The following NUCB1 variants were observed in gnomAD, a reference collection of about 807,000 sequenced individuals.
NUCB1 encodes the protein nucleobindin-1.
In NUCB1, 47 loss-of-function variants were observed where a neutral mutation model predicts 61.2. The ratio of observed to expected loss-of-function variants is 0.77; its 90% CI spans 0.61 to 0.98. The LOEUF (loss-of-function observed/expected upper bound fraction) is 0.98, where lower values mean the gene tolerates loss of function less well. NUCB1 is among the 50% of genes least tolerant of loss of function. The pLI, the probability that NUCB1 is intolerant of heterozygous loss-of-function variation, is 0.00. For synonymous variants in NUCB1, 234 were observed against 243.1 expected (o/e 0.96, Z 0.35); for missense variants, 583 against 605.3 (o/e 0.96, Z 0.39).
chr19:48,900,830 C>T lies in NUCB1; in HGVS notation c.34C>T (p.Leu12=). ...PPSGPRGTLL[L]LPLLLLLLLR... is the part of the protein sequence containing the mutation. ...CTCTGGGCCCCGAGGAACCCTCCTT[C>T]TGTTGCCGCTGCTGCTGCTGCTCCT... Residue 12 remains leucine (L), a synonymous_variant, in exon 2 of 13, where the codon CTG becomes TTG. Coordinates refer to ENST00000405315, the MANE Select transcript of NUCB1 (RefSeq NM_006184.6). 3.1e-6 allele frequency: 5 copies of T among 1,613,954 alleles called. No homozygotes were observed. Among genetic ancestry groups the T allele is most frequent in the Non-Finnish European group, 4.2e-6 (5 of 1,180,026 alleles).
chr19:48,922,122 C>G (rs1429243217), intron 12 of NUCB1, among the ~76,000 whole-genome samples, 190 bp downstream of exon 12: 6 of 148,090 alleles, frequency 4.1e-5, no homozygotes, highest in African/African-American at 1.5e-4. Flanking sequence ...GGCTGGGACC[C>G]CTGGGTGTGA....
chr19:48,922,069 A>C (rs1479732791), intron 12 of NUCB1, 137 bp downstream of exon 12: 2 of 722,886 alleles, frequency 2.8e-6, no homozygotes, highest in Non-Finnish European at 4.5e-6. Context: ...GGGAAGAGGG[A>C]CTGGGGGTCC....
At chr19:48,917,500 T>A (rs889622442) in intron 7 of NUCB1, among the ~76,000 whole-genome samples, 3 of 37,688 alleles carry the variant, frequency 8.0e-5, no homozygotes, top group African/African-American at 1.4e-4. Flanking sequence ...ATTTTTAAAT[T>A]TTTTTTTTCT....
chr19:48,922,355 G>A lies in NUCB1; in HGVS notation c.1317G>A (p.Lys439=). ...TCCCAGCTCCAGCCGGTGACCAGAA[G>A]GAGGTGGACACTTCAGAAAAGAAAC... The part of the protein sequence containing the change: ...VPVPAPAGDQ[K]EVDTSEKKLL... The change falls in exon 13 of 13, where the codon AAG becomes AAA. Residue 439 remains lysine (K), a synonymous_variant. Transcript: ENST00000405315. 5.0e-6 allele frequency: 8 copies of A among 1,613,848 alleles called. No individual in the cohort carries two copies. Among genetic ancestry groups the A allele is most frequent in the Non-Finnish European group, 5.9e-6 (7 of 1,179,816 alleles).
chr19:48,901,663 G>A (rs151092961), intron 2 of NUCB1, among the ~76,000 whole-genome samples: 3 of 152,338 alleles, frequency 2.0e-5, no homozygotes, highest in East Asian at 3.9e-4. Flanking sequence ...ACTCTGGGAG[G>A]CTGAGGCACG....
At chr19:48,900,531 G>A in intron 1 of NUCB1, 159 bp downstream of exon 1, 1 of 548,662 alleles carries the variant, frequency 1.8e-6, no homozygotes, top group Non-Finnish European at 3.2e-6. Flanking sequence ...GGGGGAGGAG[G>A]CGGCCGAGAT....
At chr19:48,907,775 A>G (rs76470840) in intron 4 of NUCB1, among the ~76,000 whole-genome samples, 17,061 of 152,076 alleles carry the variant, frequency 0.11, 1,018 homozygotes, top group South Asian at 0.16. Context: ...GCCCGCATTC[A>G]TGTTCCTCTT....
intron 4 of NUCB1, among the ~76,000 whole-genome samples, chr19:48,906,360 C>T (rs1034377885): frequency 2.7e-5 from 4 of 149,660 alleles, no homozygotes; most frequent in African/African-American, 5.0e-5. Context: ...GCCGAGATCG[C>T]ACCATTGCAC....
chr19:48,915,629 A>G (rs2037530844), intron 7 of NUCB1, among the ~76,000 whole-genome samples: 1 of 152,096 alleles, frequency 6.6e-6, no homozygotes, highest in African/African-American at 2.4e-5. Context: ...CCTCCCAAGT[A>G]TCTGGGACCA....
chr19:48,921,763 G>T, intron 11 of NUCB1, 64 bp from the exon 12 acceptor site: 1 of 1,498,946 alleles, frequency 6.7e-7, no homozygotes, highest in Non-Finnish European at 9.2e-7. Context: ...TGGGGACTGA[G>T]GCCTGAGCAC....
intron 2 of NUCB1, chr19:48,901,250 T>C: frequency 2.0e-6 from 1 of 488,212 alleles, no homozygotes; most frequent in Non-Finnish European, 3.7e-6. Flanking sequence ...TAGTTCCCAG[T>C]AGCAGTTGAT....
intron 2 of NUCB1, among the ~76,000 whole-genome samples, chr19:48,901,535 A>G (rs2037353304): frequency 1.3e-5 from 2 of 152,208 alleles, no homozygotes; most frequent in African/African-American, 4.8e-5. Context: ...AGGCCGAGAC[A>G]GGCGGATCAC....
rs1470342710 is a variant in NUCB1 at position 48,905,755 on chromosome 19, C to A, written c.246C>A (p.Ser82Arg). 6.2e-7 allele frequency: 1 copy of A among 1,613,870 alleles called. No individual in the cohort carries two copies. Among genetic ancestry groups the A allele is most frequent in the Admixed American group, 1.7e-5 (1 of 59,984 alleles). The change falls in exon 4 of 13, where the codon AGC becomes AGA. Residue 82 changes from serine (S) to arginine (R), a missense_variant and splice_region_variant. By Grantham distance (110) the Ser-to-Arg change is moderately radical. Transcript: ENST00000405315. Reference protein sequence around the residue: ...LQAANAEDIKSGKLSRELDFV... With the variant: ...LQAANAEDIKRGKLSRELDFV... ...ACCAGGGTCTCCTCTCCTGTCAGAGCGGGAAGCTGAGCCGAGAGCTGGACT... is the reference window on the plus strand; with the variant it reads ...ACCAGGGTCTCCTCTCCTGTCAGAGAGGGAAGCTGAGCCGAGAGCTGGACT...
Position 48,900,592 on chromosome 19 carries a change from G to T in NUCB1, c.-11-194G>T. 4.4e-6 allele frequency: 3 copies of T among 680,342 alleles called. No individual in the cohort carries two copies. The South Asian group carries it at 5.8e-5, about 13-fold the overall frequency. The allele number at this position is 680,342 out of a possible 1,614,324, so 42.1% of individuals were successfully genotyped here. A position where few individuals can be genotyped will look rare whatever the true frequency, so the allele number is the denominator to read the frequency against. On this transcript the variant is annotated intron_variant, in intron 1 of 12. Transcript: ENST00000405315. ...AGCGTGTTGGGAGCCAGGACCCCTG[G>T]GTCTGAGGGCCCAGACTCCTGTGTC...
intron 7 of NUCB1, among the ~76,000 whole-genome samples, chr19:48,916,945 C>T (rs996035337): frequency 2.6e-5 from 4 of 151,824 alleles, no homozygotes; most frequent in East Asian, 3.9e-4. Context: ...ATAGGCCCGG[C>T]GCAGTGGCTT....
chr19:48,912,843 CAAAA>C (rs5828367), intron 5 of NUCB1, among the ~76,000 whole-genome samples, 164 bp from the exon 6 acceptor site: 3 of 95,316 alleles, frequency 3.1e-5, no homozygotes, highest in Non-Finnish European at 6.1e-5. Flanking sequence ...GACTCCCTCT[CAAAA>C]AAAAAAAAAA....
Position 48,919,241 on chromosome 19 carries a change from AT to A in NUCB1, c.958del (p.Ser320ProfsTer28), listed in dbSNP as rs1568588664. 2 of 1,613,906 alleles carry A rather than the reference AT, an allele frequency of 1.2e-6. No individual in the cohort carries two copies. The highest frequency in any genetic ancestry group is 1.7e-6 in the Non-Finnish European group (2 of 1,179,906). The part of the protein sequence containing the change: ...RLVTLEEFLA[S>X]TQRKEFGDTG... ...TCGTGACCCTGGAGGAGTTCCTCGC[AT>A]CCACTCAGAGGAAGGAGTTTGGGGA... On this transcript the variant is annotated frameshift_variant, in exon 10 of 13. Coordinates refer to ENST00000405315, the MANE Select transcript of NUCB1 (RefSeq NM_006184.6). LOFTEE classifies it high-confidence loss of function.
In NUCB1 at chr19:48,905,801, A is replaced by T; in HGVS notation, c.292A>T (p.Thr98Ser). Residue 98 changes from threonine (T) to serine (S), a missense_variant, in exon 4 of 13, where the codon ACC becomes TCC. Coordinates refer to ENST00000405315, the MANE Select transcript of NUCB1 (RefSeq NM_006184.6). ...GGACTTTGTCAGCCACCACGTCCGC[A>T]CCAAGCTGGATGAGCTCAAGCGACA... ...ELDFVSHHVR[T>S]KLDELKRQEV... The T allele has an allele frequency of 6.2e-7, 1 of 1,613,358 alleles. No homozygotes were observed. Among genetic ancestry groups the T allele is most frequent in the Non-Finnish European group, 8.5e-7 (1 of 1,179,716 alleles).
chr19:48,915,543 G>T (rs994392907), intron 7 of NUCB1, among the ~76,000 whole-genome samples: 1 of 152,042 alleles, frequency 6.6e-6, no homozygotes, highest in South Asian at 2.1e-4. Flanking sequence ...AGAAGATTCT[G>T]TAATGGGGTC....
Sources: gnomAD v4.1 joint callset for allele counts (sites outside exome capture counted in the v4.1 genomes callset) on GRCh38, gnomAD v4.1.1 for gene constraint, MANE v1.5 for transcripts, NCBI Gene and HGNC (gene_info 2026-07-23, HGNC 2026-07-21) for gene names.